The following CDH23 variants were observed in gnomAD, a reference collection of about 807,000 sequenced individuals.
CDH23 encodes cadherin-23.
Under a neutral mutation model 317.1 loss-of-function variants are expected in CDH23, and 189 were observed. The ratio of observed to expected loss-of-function variants is 0.60; its 90% confidence interval spans 0.53 to 0.67. The LOEUF is 0.67. Among genes scored for constraint, CDH23 ranks in the 30% least tolerant of loss-of-function variants. The pLI is 0.00. For synonymous variants in CDH23, 1,839 were observed against 1,876.8 expected, an observed-to-expected ratio of 0.98 and a Z score of 0.52; for missense variants, 4,401 against 4,592.4, an observed-to-expected ratio of 0.96 and a Z score of 1.20.
At chr10:71,793,695 C>T (rs543639564) in intron 48 of CDH23, 55 bp downstream of exon 48, 22 of 1,269,216 alleles carry the variant, frequency 1.7e-5, no homozygotes, top group South Asian at 1.5e-4. Flanking sequence ...CCTGTCTCCT[C>T]GCTCCCTGCT....
At chr10:71,680,810 C>CT (rs562449159) in intron 17 of CDH23, among the ~76,000 whole-genome samples, 43,207 of 100,132 alleles carry the variant, frequency 0.43, 9,758 homozygotes, top group Non-Finnish European at 0.51. Flanking sequence ...CTCTGTCTTT[C>CT]TTTTTTTTTT....
intron 27 of CDH23, among the ~76,000 whole-genome samples, chr10:71,709,518 G>A (rs1865899985): frequency 6.6e-6 from 1 of 152,252 alleles, no homozygotes; most frequent in Non-Finnish European, 1.5e-5. Flanking sequence ...TTGGGCAGTG[G>A]TGCAAACACA....
At position 71,810,080 on chromosome 10, in the gene CDH23, C is replaced by T. The variant is rs775540400; in HGVS notation, c.8979+4C>T. ...TGTCAATACTGACAATGTGCAGGTG[C>T]CTCATGGGCCCACCCGGGGCCGGGG... is the stretch of plus-strand genomic sequence containing the variant. On this transcript the variant is annotated splice_donor_region_variant and intron_variant, in intron 61 of 69. Transcript: ENST00000224721. 9.9e-6 allele frequency: 16 copies of T among 1,609,616 alleles called. No homozygotes were observed. In the African/African-American group the frequency reaches 1.7e-4, roughly 17 times the overall value.
intron 6 of CDH23, among the ~76,000 whole-genome samples, chr10:71,563,739 CTTTTTTCTTTTTTT>C (rs1225894907): frequency 2.7e-5 from 4 of 148,728 alleles, no homozygotes; most frequent in Non-Finnish European, 3.0e-5. Context: ...CTTTTTTTTT[CTTTTTTCTTTTTTT>C]TTTTTTCTTT....
At chr10:71,712,497 G>C in intron 27 of CDH23, 168 bp from the exon 28 acceptor site, 2 of 648,138 alleles carry the variant, frequency 3.1e-6, no homozygotes, top group Non-Finnish European at 5.4e-6. Flanking sequence ...ATTTGATACT[G>C]TTAGTGTTAT....
At chr10:71,525,336 C>T (rs1325077386) in intron 6 of CDH23, among the ~76,000 whole-genome samples, 1 of 152,248 alleles carries the variant, frequency 6.6e-6, no homozygotes, top group Non-Finnish European at 1.5e-5. Context: ...AGGAAACTGA[C>T]TCAAGGTGCT....
rs867153002 is a variant in CDH23 at position 71,751,528 on chromosome 10, C to T, written c.4845+9607C>T. 2 of 611,174 alleles carry T rather than the reference C, an allele frequency of 3.3e-6. No individual in the cohort carries two copies. Among genetic ancestry groups the T allele is most frequent in the Middle Eastern group, 9.1e-4 (2 of 2,204 alleles). The allele number at this position is 611,174 out of a possible 1,614,324, so 37.9% of individuals were successfully genotyped here. A position where few individuals can be genotyped will look rare whatever the true frequency, so the allele number is the denominator to read the frequency against. ...ACTCTTCAGGGAGGTGAATGGGGGC[C>T]CCTCTGTCCCTCACCCTCAACCCCA... On this transcript the variant is annotated intron_variant, in intron 38 of 69. Coordinates refer to ENST00000224721, the MANE Select transcript of CDH23 (RefSeq NM_022124.6). This position sits in a 1 kb window ranked among gnomAD's most constrained non-coding sequence, Gnocchi z 4.9.
chr10:71,588,722 G>A (rs1002673166), intron 9 of CDH23, among the ~76,000 whole-genome samples: 1 of 152,140 alleles, frequency 6.6e-6, no homozygotes, highest in African/African-American at 2.4e-5. Flanking sequence ...CCTACAGGAT[G>A]GGGAGGAGGC....
intron 12 of CDH23, among the ~76,000 whole-genome samples, chr10:71,645,346 G>A (rs539020162): frequency 1.3e-5 from 2 of 152,280 alleles, no homozygotes; most frequent in Admixed American, 6.5e-5. Context: ...TGCTGGACAC[G>A]TTCCAGAGGA....
chr10:71,771,332 T>C (rs539231142), intron 38 of CDH23, among the ~76,000 whole-genome samples: 1 of 152,294 alleles, frequency 6.6e-6, no homozygotes, highest in South Asian at 2.1e-4. Context: ...ACCATTCTCC[T>C]CAGTGCTGGC....
At chr10:71,549,874 G>T (rs1856485942) in intron 6 of CDH23, among the ~76,000 whole-genome samples, 1 of 152,184 alleles carries the variant, frequency 6.6e-6, no homozygotes. Context: ...GTGGGGCGGG[G>T]TCGGGGAGGT....
chr10:71,675,248 G>A, intron 15 of CDH23, 72 bp downstream of exon 15: 1 of 1,384,706 alleles, frequency 7.2e-7, no homozygotes, highest in Non-Finnish European at 1.0e-6. Flanking sequence ...CATGAGATCT[G>A]GGAACTTTTC....
chr10:71,723,694 G>T (rs1866670494), intron 28 of CDH23, among the ~76,000 whole-genome samples: 1 of 152,180 alleles, frequency 6.6e-6, no homozygotes, highest in South Asian at 2.1e-4. Context: ...GCTCTGAAAG[G>T]CTGCCGGGTA....
intron 6 of CDH23, among the ~76,000 whole-genome samples, chr10:71,531,276 C>T (rs1855360728): frequency 1.3e-5 from 2 of 152,158 alleles, no homozygotes; most frequent in South Asian, 4.1e-4. Flanking sequence ...TGCCAAGACT[C>T]CCCCAGCTGC....
chr10:71,422,963 G>A (rs1848881100), intron 1 of CDH23, among the ~76,000 whole-genome samples: 1 of 152,166 alleles, frequency 6.6e-6, no homozygotes, highest in African/African-American at 2.4e-5. Context: ...GGTTTTGGGA[G>A]GAGGGGTTGT....
At chr10:71,555,384 G>A (rs939423293) in intron 6 of CDH23, among the ~76,000 whole-genome samples, 1 of 152,192 alleles carries the variant, frequency 6.6e-6, no homozygotes. Flanking sequence ...AATGGAAATA[G>A]CATTCTTTAT....
At position 71,443,637 on chromosome 10, in the gene CDH23, C is replaced by T. The variant is rs938013437; in HGVS notation, c.68-2681C>T. On this transcript the variant is annotated intron_variant, in intron 2 of 69. Coordinates refer to ENST00000224721, the MANE Select transcript of CDH23 (RefSeq NM_022124.6). ...GGGCAGTGCTCACAAGCCACAGACC[C>T]ACAATGGGGTGGGCCACGTGGGGCT... 5.3e-4 allele frequency among the ~76,000 whole-genome samples: 81 copies of T among 152,364 alleles called. 1 individual carries two copies. Among genetic ancestry groups the T allele is most frequent in the African/African-American group, 1.9e-3 (80 of 41,592 alleles).
intron 11 of CDH23, among the ~76,000 whole-genome samples, chr10:71,636,523 G>A (rs1332883670): frequency 6.6e-6 from 1 of 152,138 alleles, no homozygotes; most frequent in African/African-American, 2.4e-5. Flanking sequence ...AAAAGAAAGA[G>A]CACCACATTA....
chr10:71,751,223 G>A lies in CDH23; in HGVS notation c.4845+9302G>A. 1 of 1,600,962 alleles carries A rather than the reference G, an allele frequency of 6.2e-7. No individual in the cohort carries two copies. Among genetic ancestry groups the A allele is most frequent in the Non-Finnish European group, 8.5e-7 (1 of 1,172,806 alleles). ...CTCAAATGCACCTGCCCCAGACCCA[G>A]CCACAACAGCCCACTGTCCCCCAGC... On this transcript the variant is annotated intron_variant, in intron 38 of 69. Coordinates refer to ENST00000224721, the MANE Select transcript of CDH23 (RefSeq NM_022124.6). This position sits in a 1 kb window ranked among gnomAD's most constrained non-coding sequence, Gnocchi z 4.9.
Sources: allele counts gnomAD v4.1 joint callset (sites outside exome capture counted in the v4.1 genomes callset), GRCh38; gene constraint gnomAD v4.1.1; non-coding constraint Gnocchi (gnomAD v3.1); transcripts MANE v1.5; gene names NCBI Gene and HGNC (gene_info 2026-07-23, HGNC 2026-07-21).